Variants in TMEM39B observed in about 807,000 individuals in gnomAD.
TMEM39B encodes the protein transmembrane protein 39B.
TMEM39B carries 23 observed loss-of-function variants against 52.2 expected under a neutral mutation model. The observed-to-expected ratio is 0.44, with a 90% confidence interval of 0.32 to 0.62. The LOEUF (loss-of-function observed/expected upper bound fraction) is 0.62. Ranked by LOEUF, TMEM39B falls within the 20% of genes least tolerant of loss-of-function variation. The pLI is 0.06. For missense variants in TMEM39B, 547 were observed against 642.0 expected, an observed-to-expected ratio of 0.85 and a Z score of 1.60; for synonymous variants, 285 against 264.0, an observed-to-expected ratio of 1.08 and a Z score of -0.77.
At chr1:32,080,198 CTT>C (rs1347793422) in intron 5 of TMEM39B, among the ~76,000 whole-genome samples, 6 of 152,004 alleles carry the variant, frequency 3.9e-5, no homozygotes, top group African/African-American at 1.4e-4. Flanking sequence ...TACTGGCAAA[CTT>C]TTAAGTTGTT....
At chr1:32,073,172 A>G in intron 1 of TMEM39B, 121 bp downstream of exon 1, 1 of 1,230,666 alleles carries the variant, frequency 8.1e-7, no homozygotes, top group Non-Finnish European at 1.0e-6. Context: ...AGGGGATGCG[A>G]GCGCAGACGG....
At chr1:32,078,433 A>T (rs1205941234) in intron 5 of TMEM39B, among the ~76,000 whole-genome samples, 3 of 152,090 alleles carry the variant, frequency 2.0e-5, no homozygotes, top group African/African-American at 7.2e-5. Context: ...CAGTGAGCCG[A>T]AATTGTGCCA....
In TMEM39B at chr1:32,082,541, G is replaced by A. The variant is rs562541654; in HGVS notation, c.590+5223G>A. Among the ~76,000 whole-genome samples the A allele has an allele frequency of 1.5e-4, 23 of 151,804 alleles. 1 individual carries two copies. Among genetic ancestry groups the A allele is most frequent in the African/African-American group, 5.1e-4 (21 of 41,390 alleles). ...ACAATCTCAGCTCACTGCAACCTCCGCCTCCCAGGTTCAAGCAGTTCTCCT... is the reference window on the plus strand; with the variant it reads ...ACAATCTCAGCTCACTGCAACCTCCACCTCCCAGGTTCAAGCAGTTCTCCT... On this transcript the variant is annotated intron_variant, in intron 5 of 8. Coordinates refer to ENST00000336294, the MANE Select transcript of TMEM39B (RefSeq NM_018056.4).
Position 32,100,516 on chromosome 1 carries a change from A to C in TMEM39B, c.1190A>C (p.His397Pro). ...AAGAACGTCTACAAAGCCGTAGGCC[A>C]CTACAACGTGGCTATCCCCTCTGAC... The part of the protein sequence containing the change: ...HSKNVYKAVG[H>P]YNVAIPSDVS... The change falls in exon 8 of 9, where the codon CAC becomes CCC. Residue 397 changes from histidine to proline, a missense_variant. Physicochemically the swap from His to Pro is moderately conservative, Grantham distance 77 (BLOSUM62 -2). Coordinates refer to ENST00000336294, the MANE Select transcript of TMEM39B (RefSeq NM_018056.4). The C allele has an allele frequency of 6.2e-7, 1 of 1,614,068 alleles. No homozygotes were observed. Among genetic ancestry groups the C allele is most frequent in the Non-Finnish European group, 8.5e-7 (1 of 1,179,952 alleles).
At chr1:32,096,374 C>T (rs751380151) in intron 7 of TMEM39B, among the ~76,000 whole-genome samples, 4 of 151,696 alleles carry the variant, frequency 2.6e-5, no homozygotes, top group Non-Finnish European at 5.9e-5. Context: ...GCTTAGTTAC[C>T]TGCCTGTCAT....
intron 5 of TMEM39B, among the ~76,000 whole-genome samples, 155 bp downstream of exon 5, chr1:32,077,473 A>G (rs554762307): frequency 6.6e-6 from 1 of 152,310 alleles, no homozygotes; most frequent in South Asian, 2.1e-4. Flanking sequence ...CACTGAGGTC[A>G]GGATAATTAG....
upstream of TMEM39B, chr1:32,072,267 GCTT>G (rs147897053): frequency 0.077 from 11,760 of 152,218 alleles, 701 homozygotes; most frequent in South Asian, 0.25. Context: ...TTTAGTCAAT[GCTT>G]CTCCAAACAT....
chr1:32,102,736 G>T lies in TMEM39B; in HGVS notation c.*63G>T. 1 of 1,418,980 alleles carries T rather than the reference G, an allele frequency of 7.0e-7. No individual in the cohort carries two copies. Among genetic ancestry groups the T allele is most frequent in the East Asian group, 2.5e-5 (1 of 39,578 alleles). The allele number at this position is 1,418,980 out of a possible 1,614,324, so 87.9% of individuals were successfully genotyped here. On this transcript the variant is annotated 3_prime_UTR_variant, in exon 9 of 9. Coordinates refer to ENST00000336294, the MANE Select transcript of TMEM39B (RefSeq NM_018056.4). ...GCCAAGGGCTCCCTGGCAAGGGGCTGTTGGGTAGAAGTGGTGGTGGGGGGG... is the reference window on the plus strand; with the variant it reads ...GCCAAGGGCTCCCTGGCAAGGGGCTTTTGGGTAGAAGTGGTGGTGGGGGGG...
At chr1:32,078,790 A>T (rs999256634) in intron 5 of TMEM39B, among the ~76,000 whole-genome samples, 1 of 151,836 alleles carries the variant, frequency 6.6e-6, no homozygotes, top group Non-Finnish European at 1.5e-5. Context: ...ACAGGTGCCC[A>T]CCACCACGCC....
At chr1:32,075,921 A>G (rs1458174240) in intron 3 of TMEM39B, 99 bp downstream of exon 3, 5 of 797,380 alleles carry the variant, frequency 6.3e-6, no homozygotes, top group Admixed American at 2.7e-5. Context: ...ATATCCTACT[A>G]AGCACCACTG....
chr1:32,079,910 C>T (rs1640024630), intron 5 of TMEM39B, among the ~76,000 whole-genome samples: 1 of 152,014 alleles, frequency 6.6e-6, no homozygotes, highest in African/African-American at 2.4e-5. Flanking sequence ...GCTGAGACTA[C>T]AGGCATGCTC....
chr1:32,082,580 G>A (rs1393124896), intron 5 of TMEM39B, among the ~76,000 whole-genome samples: 2 of 151,564 alleles, frequency 1.3e-5, no homozygotes, highest in East Asian at 1.9e-4. Flanking sequence ...TCAACCTCCC[G>A]AGTAGCTGGG....
intron 7 of TMEM39B, among the ~76,000 whole-genome samples, chr1:32,097,797 A>C (rs765639571): frequency 7.9e-5 from 12 of 151,714 alleles, no homozygotes; most frequent in Non-Finnish European, 1.5e-4. Flanking sequence ...GATGCCCGCC[A>C]CCGCACCTGG....
At chr1:32,100,923 C>T (rs1427882852) in intron 8 of TMEM39B, among the ~76,000 whole-genome samples, 2 of 152,026 alleles carry the variant, frequency 1.3e-5, no homozygotes, top group Admixed American at 1.3e-4. Context: ...CCCAGCTACT[C>T]GGGAGGCTGA....
At chr1:32,077,347 G>C (rs1639910495) in intron 5 of TMEM39B, 29 bp downstream of exon 5, 1 of 1,612,856 alleles carries the variant, frequency 6.2e-7, no homozygotes, top group African/African-American at 1.3e-5. Context: ...ACCCCTCACT[G>C]CCCAGCACCT....
At chr1:32,096,145 G>A (rs1031768714) in intron 7 of TMEM39B, among the ~76,000 whole-genome samples, 2 of 152,046 alleles carry the variant, frequency 1.3e-5, no homozygotes, top group Non-Finnish European at 2.9e-5. Context: ...ATGCACTTGT[G>A]CCTTCAGGAT....
chr1:32,090,487 C>T (rs904565048), intron 5 of TMEM39B, among the ~76,000 whole-genome samples: 10 of 151,914 alleles, frequency 6.6e-5, no homozygotes, highest in African/African-American at 2.4e-4. Flanking sequence ...CAAAGTCTTA[C>T]TCTGCCCGGC....
chr1:32,084,172 C>G (rs1364172473), intron 5 of TMEM39B, among the ~76,000 whole-genome samples: 2 of 151,946 alleles, frequency 1.3e-5, no homozygotes, highest in East Asian at 1.9e-4. Context: ...TTCTTATTGA[C>G]AAAAGAATGA....
At chr1:32,077,067 CCTGGGTGGGATCACAGGTCATG>C in intron 4 of TMEM39B, 75 bp from the exon 5 acceptor site, 1 of 1,537,952 alleles carries the variant, frequency 6.5e-7, no homozygotes, top group Non-Finnish European at 8.9e-7. Context: ...GCCACCTCTC[CCTGGGTGGGATCACAGGTCATG>C]CTGGGTGGGA....
Sources: gnomAD v4.1 joint callset for allele counts (sites outside exome capture counted in the v4.1 genomes callset) on GRCh38, gnomAD v4.1.1 for gene constraint, MANE v1.5 for transcripts, NCBI Gene and HGNC (gene_info 2026-07-23, HGNC 2026-07-21) for gene names.